The following UBAP1 variants were observed in gnomAD, a reference collection of about 807,000 sequenced individuals.
UBAP1 encodes the protein ubiquitin associated protein 1.
UBAP1 carries 5 observed loss-of-function variants against 39.0 expected under a neutral mutation model. The observed-to-expected ratio is 0.13, with a 90% CI of 0.07 to 0.27. The LOEUF (loss-of-function observed/expected upper bound fraction) is 0.27. Ranked by LOEUF, UBAP1 falls within the 10% of genes least tolerant of loss-of-function variation. The pLI, the probability that UBAP1 is intolerant of heterozygous loss-of-function variation, is 1.00. For missense variants in UBAP1, 490 were observed against 608.1 expected (o/e 0.81, Z 2.04); for synonymous variants, 211 against 225.1 (o/e 0.94, Z 0.56).
intron 1 of UBAP1, among the ~76,000 whole-genome samples, chr9:34,186,897 T>TTTTTTTA (rs532332530): frequency 1.3e-5 from 2 of 152,176 alleles, no homozygotes; most frequent in East Asian, 3.9e-4. Context: ...GTTTTGTGTT[T>TTTTTTTA]TTTTTTATTT....
intron 1 of UBAP1, among the ~76,000 whole-genome samples, chr9:34,207,048 C>CTTTTTTTTTT (rs34197502): frequency 2.2e-5 from 2 of 90,058 alleles, no homozygotes; most frequent in Non-Finnish European, 4.0e-5. Flanking sequence ...ATTGTTATTT[C>CTTTTTTTTTT]TTTTTTTTTT....
At chr9:34,214,214 G>A (rs1237687811) in intron 1 of UBAP1, among the ~76,000 whole-genome samples, 1 of 152,078 alleles carries the variant, frequency 6.6e-6, no homozygotes, top group Non-Finnish European at 1.5e-5. Flanking sequence ...CATAGCCAAA[G>A]CAAGACTAAG....
chr9:34,250,023 CCT>C (rs1834390511), intron 5 of UBAP1, 62 bp downstream of exon 5: 6 of 1,560,334 alleles, frequency 3.8e-6, no homozygotes, highest in Admixed American at 1.7e-5. Context: ...AGTGTCCTCC[CCT>C]GTCCTAGAGC....
intron 1 of UBAP1, among the ~76,000 whole-genome samples, chr9:34,204,704 G>T (rs752897544): frequency 2.1e-4 from 32 of 151,866 alleles, no homozygotes; most frequent in South Asian, 4.2e-4. Flanking sequence ...AATTTCAGAG[G>T]TTTTTACCCA....
At chr9:34,198,014 G>C (rs1831160554) in intron 1 of UBAP1, among the ~76,000 whole-genome samples, 1 of 152,230 alleles carries the variant, frequency 6.6e-6, no homozygotes, top group South Asian at 2.1e-4. Context: ...CTGTGGGCAA[G>C]CAGGGCGTGC....
chr9:34,250,096 T>G, intron 5 of UBAP1, 135 bp downstream of exon 5: 1 of 924,894 alleles, frequency 1.1e-6, no homozygotes. Context: ...GGGGCATGTT[T>G]TGGGGAAAGC....
chr9:34,209,194 G>A (rs542580687), intron 1 of UBAP1, among the ~76,000 whole-genome samples: 4 of 152,152 alleles, frequency 2.6e-5, no homozygotes, highest in East Asian at 1.9e-4. Context: ...TGCCTTGGCC[G>A]CCTCCCAAAG....
chr9:34,202,733 A>T (rs922644682), intron 1 of UBAP1, among the ~76,000 whole-genome samples: 1 of 149,382 alleles, frequency 6.7e-6, no homozygotes, highest in Admixed American at 6.8e-5. Flanking sequence ...ATAACTGTCA[A>T]TCTTGTTTTA....
intron 1 of UBAP1, among the ~76,000 whole-genome samples, chr9:34,215,204 A>G (rs994480365): frequency 6.6e-6 from 1 of 152,180 alleles, no homozygotes; most frequent in Non-Finnish European, 1.5e-5. Flanking sequence ...TCACAAGTGT[A>G]AAATCATGGA....
intron 1 of UBAP1, among the ~76,000 whole-genome samples, chr9:34,195,781 G>A (rs1831000931): frequency 6.6e-6 from 1 of 151,676 alleles, no homozygotes; most frequent in South Asian, 2.1e-4. Context: ...ATTTTTAGTA[G>A]AGACGGGGTT....
chr9:34,190,802 C>CTTTTTTTTTTTTT (rs373942127), intron 1 of UBAP1, among the ~76,000 whole-genome samples: 1 of 116,648 alleles, frequency 8.6e-6, no homozygotes. Flanking sequence ...ATGCCTGGCT[C>CTTTTTTTTTTTTT]TTTTTTTTTT....
At chr9:34,224,122 C>T in intron 2 of UBAP1, 1 of 737,170 alleles carries the variant, frequency 1.4e-6, no homozygotes. Flanking sequence ...GGAACTGCTC[C>T]TCCAGGAGAC....
chr9:34,241,933 A>G lies in UBAP1; in HGVS notation c.908A>G (p.Lys303Arg). Residue 303 changes from lysine (K) to arginine (R), a missense_variant, in exon 4 of 7, where the codon AAG becomes AGG. This residue lies in a region of UBAP1 where 339 missense variants were observed against 390.0 expected (regional missense o/e 0.87). Coordinates refer to ENST00000297661, the MANE Select transcript of UBAP1 (RefSeq NM_016525.5). ...AATGGCACGTTCCAGAATTCCCTAA[A>G]GCCTTCCACCCAAAGCAGTGCCAGT... Reference protein sequence around the residue: ...LRNGTFQNSLKPSTQSSASEL... With the variant: ...LRNGTFQNSLRPSTQSSASEL... 1 of 1,614,126 alleles carries G rather than the reference A, an allele frequency of 6.2e-7. No individual in the cohort carries two copies. The highest frequency in any genetic ancestry group is 1.3e-5 in the African/African-American group (1 of 75,018).
intron 3 of UBAP1, among the ~76,000 whole-genome samples, chr9:34,234,789 A>G (rs1371312380): frequency 1.3e-5 from 2 of 152,232 alleles, no homozygotes; most frequent in African/African-American, 4.8e-5. Flanking sequence ...ACAATTCAGT[A>G]TAGTATGTAA....
At chr9:34,236,361 G>A (rs1037356113) in intron 3 of UBAP1, among the ~76,000 whole-genome samples, 67 of 152,092 alleles carry the variant, frequency 4.4e-4, no homozygotes, top group Non-Finnish European at 9.3e-4. Context: ...TACCATCTAG[G>A]TTTGTGTAAA....
chr9:34,211,747 A>G (rs1252891433), intron 1 of UBAP1, among the ~76,000 whole-genome samples: 2 of 151,322 alleles, frequency 1.3e-5, no homozygotes, highest in Non-Finnish European at 2.9e-5. Context: ...TCCTTAACCC[A>G]TCTCTTCTTC....
At chr9:34,226,891 C>T (rs1301376492) in intron 2 of UBAP1, among the ~76,000 whole-genome samples, 1 of 152,098 alleles carries the variant, frequency 6.6e-6, no homozygotes, top group Non-Finnish European at 1.5e-5. Flanking sequence ...TGTGGCATTT[C>T]CATTTGTCTC....
chr9:34,196,197 G>A (rs1324207007), intron 1 of UBAP1, among the ~76,000 whole-genome samples: 1 of 151,516 alleles, frequency 6.6e-6, no homozygotes, highest in Non-Finnish European at 1.5e-5. Flanking sequence ...GGAGTGCAGT[G>A]GTGTGGTCAT....
At chr9:34,211,625 C>G (rs932376037) in intron 1 of UBAP1, among the ~76,000 whole-genome samples, 1 of 152,140 alleles carries the variant, frequency 6.6e-6, no homozygotes, top group African/African-American at 2.4e-5. Flanking sequence ...TTCTCCTCCC[C>G]TTCTCAGAGG....
Sources: gnomAD v4.1 joint callset for allele counts (sites outside exome capture counted in the v4.1 genomes callset) on GRCh38, gnomAD v4.1.1 for gene constraint, gnomAD v4.1.1 regional missense constraint, MANE v1.5 for transcripts, NCBI Gene and HGNC (gene_info 2026-07-23, HGNC 2026-07-21) for gene names.